The following HDAC9 variants were observed in gnomAD, a reference collection of about 807,000 sequenced individuals.
HDAC9 encodes MEF-2 interacting transcription repressor (MITR) protein.
Under a neutral mutation model 139.4 loss-of-function variants are expected in HDAC9, and 41 were observed. The ratio of observed to expected loss-of-function variants is 0.29; its 90% CI spans 0.23 to 0.38. HDAC9 has a LOEUF of 0.38. Among genes scored for constraint, HDAC9 ranks in the 10% least tolerant of loss-of-function variants. HDAC9 has a pLI of 1.00. For synonymous variants in HDAC9, 517 were observed against 476.2 expected (o/e 1.09, Z -1.12); for missense variants, 1,147 against 1,297.0 (o/e 0.88, Z 1.78).
At chr7:18,796,485 A>G (rs1792810407) in intron 17 of HDAC9, among the ~76,000 whole-genome samples, 1 of 152,212 alleles carries the variant, frequency 6.6e-6, no homozygotes, top group Non-Finnish European at 1.5e-5. Flanking sequence ...GCAAATTGGT[A>G]TATTTTTTGG....
At chr7:18,767,398 A>G (rs1055048246) in intron 16 of HDAC9, among the ~76,000 whole-genome samples, 4 of 152,178 alleles carry the variant, frequency 2.6e-5, no homozygotes, top group African/African-American at 7.2e-5. Context: ...GGCCCTTCTA[A>G]CTGTAAGTTC....
intron 2 of HDAC9, among the ~76,000 whole-genome samples, chr7:18,182,995 A>C (rs1584506051): frequency 6.6e-6 from 1 of 151,088 alleles, no homozygotes. Context: ...TATGGCTGCC[A>C]GTCACTTAAC....
Position 18,203,933 on chromosome 7 carries a change from A to G in HDAC9, c.25+41584A>G, listed in dbSNP as rs191760556. On this transcript the variant is annotated intron_variant, in intron 2 of 12. Transcript: ENST00000417496. ...AATGTAGAGATATAGGGGATAGCCTACCTTTTCTCCAAAGCTATGTATGAG... is the reference window on the plus strand; with the variant it reads ...AATGTAGAGATATAGGGGATAGCCTGCCTTTTCTCCAAAGCTATGTATGAG... Among the ~76,000 whole-genome samples the G allele has an allele frequency of 3.9e-5, 6 of 152,284 alleles. No homozygotes were observed. In the East Asian group the frequency reaches 1.2e-3, roughly 29 times the overall value.
At chr7:18,905,989 T>TTC (rs988315899) in intron 22 of HDAC9, among the ~76,000 whole-genome samples, 1 of 151,030 alleles carries the variant, frequency 6.6e-6, no homozygotes, top group Non-Finnish European at 1.5e-5. Flanking sequence ...CCTTCCTTCC[T>TTC]TCTCTCTCTC....
intron 22 of HDAC9, among the ~76,000 whole-genome samples, chr7:18,893,458 A>G (rs1360278009): frequency 6.6e-6 from 1 of 152,198 alleles, no homozygotes; most frequent in Non-Finnish European, 1.5e-5. Context: ...CATCAGTCTG[A>G]AGAAGTCAAA....
chr7:18,292,467 T>C (rs1195922979), intron 1 of HDAC9, among the ~76,000 whole-genome samples: 1 of 152,154 alleles, frequency 6.6e-6, no homozygotes, highest in Non-Finnish European at 1.5e-5. Flanking sequence ...ACCTTTTCTC[T>C]AGTAATAGTT....
chr7:18,451,137 A>AT (rs1259267118), intron 1 of HDAC9, among the ~76,000 whole-genome samples: 6 of 152,104 alleles, frequency 3.9e-5, no homozygotes, highest in Non-Finnish European at 7.4e-5. Context: ...CCTTTACGAA[A>AT]CAGGCCTGAG....
chr7:18,636,278 G>C (rs1783862862), intron 8 of HDAC9, among the ~76,000 whole-genome samples: 1 of 152,072 alleles, frequency 6.6e-6, no homozygotes, highest in South Asian at 2.1e-4. Flanking sequence ...TCTTACTGCT[G>C]TGTCCCCTGC....
intron 1 of HDAC9, among the ~76,000 whole-genome samples, chr7:18,370,532 C>A (rs1172619866): frequency 6.6e-6 from 1 of 152,040 alleles, no homozygotes; most frequent in African/African-American, 2.4e-5. Flanking sequence ...ATGCATAAAA[C>A]CATATTTCTT....
At chr7:18,654,676 T>C (rs1790494761) in intron 11 of HDAC9, among the ~76,000 whole-genome samples, 2 of 152,052 alleles carry the variant, frequency 1.3e-5, no homozygotes. Flanking sequence ...TATTTTTGTC[T>C]AAAAGTAGAA....
intron 1 of HDAC9, among the ~76,000 whole-genome samples, chr7:18,152,542 A>G (rs886824930): frequency 2.0e-5 from 3 of 152,176 alleles, no homozygotes; most frequent in African/African-American, 7.2e-5. Flanking sequence ...CCCTTGTCCT[A>G]AAGATTCTGA....
intron 25 of HDAC9, among the ~76,000 whole-genome samples, chr7:18,988,234 A>T (rs1012567984): frequency 6.6e-6 from 1 of 151,504 alleles, no homozygotes; most frequent in African/African-American, 2.4e-5. Flanking sequence ...ACTGCTTTGA[A>T]TGCTTCCCAG....
chr7:18,541,659 C>T (rs1490875290), intron 2 of HDAC9, among the ~76,000 whole-genome samples: 3 of 152,072 alleles, frequency 2.0e-5, no homozygotes, highest in Non-Finnish European at 4.4e-5. Context: ...GGAACAGAAA[C>T]AGGAATTCTA....
At chr7:18,671,736 G>T (rs1387405506) in intron 12 of HDAC9, among the ~76,000 whole-genome samples, 1 of 151,746 alleles carries the variant, frequency 6.6e-6, no homozygotes, top group Non-Finnish European at 1.5e-5. Context: ...CTCCACGCTC[G>T]TTCTTGCCCC....
chr7:18,096,442 A>G (rs769198157), intron 1 of HDAC9, among the ~76,000 whole-genome samples: 18 of 152,230 alleles, frequency 1.2e-4, no homozygotes, highest in Non-Finnish European at 1.8e-4. Flanking sequence ...ACGTTTATTC[A>G]GAAACTGATT....
intron 2 of HDAC9, among the ~76,000 whole-genome samples, chr7:18,204,058 A>G (rs1390717204): frequency 1.3e-5 from 2 of 152,214 alleles, no homozygotes; most frequent in African/African-American, 4.8e-5. Context: ...TTTCCTAGTT[A>G]GATATCAATG....
In HDAC9 at chr7:18,490,180, C is replaced by T. The variant is rs193040956; in HGVS notation, c.-41-6082C>T. ...CCTGCTTTTGAAAGGATGATCTCATCTTATGGTTCTCAAACTTTATTGTGC... is the reference window on the plus strand; with the variant it reads ...CCTGCTTTTGAAAGGATGATCTCATTTTATGGTTCTCAAACTTTATTGTGC... On this transcript the variant is annotated intron_variant, in intron 1 of 3. Transcript: ENST00000413509. 1.1e-4 allele frequency among the ~76,000 whole-genome samples: 17 copies of T among 152,124 alleles called. No homozygotes were observed. The East Asian group carries it at 3.1e-3, about 28-fold the overall frequency.
chr7:18,469,833 C>A (rs764770126), intron 1 of HDAC9, among the ~76,000 whole-genome samples: 1 of 152,012 alleles, frequency 6.6e-6, no homozygotes, highest in Non-Finnish European at 1.5e-5. Flanking sequence ...ATAGAAACAA[C>A]GAATCATAGG....
At chr7:18,946,995 G>C (rs201894399) in intron 23 of HDAC9, among the ~76,000 whole-genome samples, 4 of 151,780 alleles carry the variant, frequency 2.6e-5, no homozygotes, top group Non-Finnish European at 4.4e-5. Flanking sequence ...TTAGAAAATC[G>C]TATATATTTT....
Sources: allele counts gnomAD v4.1 joint callset (sites outside exome capture counted in the v4.1 genomes callset), GRCh38; gene constraint gnomAD v4.1.1; transcripts MANE v1.5; gene names NCBI Gene and HGNC (gene_info 2026-07-23, HGNC 2026-07-21).